EYS: variants seen among roughly 807,000 people sequenced by gnomAD.
EYS encodes the protein EGF-like photoreceptor maintenance factor.
A neutral mutation model predicts 282.1 loss-of-function variants in EYS; 250 were observed. The ratio of observed to expected loss-of-function variants is 0.89; its 90% CI spans 0.80 to 0.98. The LOEUF is 0.98. Among genes scored for constraint, EYS ranks in the 50% least tolerant of loss-of-function variants. The pLI is 0.00. For missense variants in EYS, 4,016 were observed against 3,709.0 expected (o/e 1.08, Z -2.15); for synonymous variants, 1,355 against 1,282.9 (o/e 1.06, Z -1.20).
intron 22 of EYS, among the ~76,000 whole-genome samples, chr6:64,641,631 A>C (rs1486595574): frequency 6.6e-6 from 1 of 152,100 alleles, no homozygotes; most frequent in African/African-American, 2.4e-5. Context: ...TTTCCCTTTC[A>C]TACTTAAAAA....
intron 29 of EYS, among the ~76,000 whole-genome samples, chr6:64,366,608 A>T (rs1409191617): frequency 1.3e-5 from 2 of 152,064 alleles, no homozygotes; most frequent in Admixed American, 1.3e-4. Flanking sequence ...TATTTTGGGG[A>T]CCAGGTATTG....
At chr6:63,872,314 G>A (rs997484036) in intron 35 of EYS, among the ~76,000 whole-genome samples, 2 of 151,026 alleles carry the variant, frequency 1.3e-5, no homozygotes, top group Admixed American at 6.6e-5. Flanking sequence ...ACCAGGTGGT[G>A]TGTGTGTGTG....
At chr6:65,090,007 A>AC (rs3035986) in intron 12 of EYS, among the ~76,000 whole-genome samples, 8 of 149,824 alleles carry the variant, frequency 5.3e-5, no homozygotes, top group African/African-American at 1.7e-4. Flanking sequence ...ACACACACAC[A>AC]AACACACACA....
intron 31 of EYS, among the ~76,000 whole-genome samples, chr6:64,170,251 A>T (rs1764438975): frequency 6.6e-6 from 1 of 152,248 alleles, no homozygotes; most frequent in Admixed American, 6.5e-5. Flanking sequence ...ATCTTGATTA[A>T]GGAAGCTTTG....
In EYS at chr6:64,590,719, T is replaced by C; in HGVS notation, c.5148A>G (p.Val1716=). 6.4e-7 allele frequency: 1 copy of C among 1,551,134 alleles called. No homozygotes were observed. The highest frequency in any genetic ancestry group is 8.7e-7 in the Non-Finnish European group (1 of 1,146,552). ...TGTCCAATAAGCTCTCTTGATTTAG[T>C]ACCTCAGTGGGTCCCATAGTTATGC... ...QYGITMGPTE[V]LNQESLLDME... The change falls in exon 26 of 43, where the codon GTA becomes GTG. Residue 1716 remains valine (V), a synonymous_variant. Coordinates refer to ENST00000503581, the MANE Select transcript of EYS (RefSeq NM_001142800.2).
At chr6:65,062,371 C>T (rs1397708912) in intron 12 of EYS, among the ~76,000 whole-genome samples, 3 of 151,874 alleles carry the variant, frequency 2.0e-5, no homozygotes, top group Non-Finnish European at 4.4e-5. Context: ...TGTACCAAAC[C>T]TGTCTATTTA....
At chr6:64,767,344 C>G (rs1773383956) in intron 22 of EYS, among the ~76,000 whole-genome samples, 1 of 152,114 alleles carries the variant, frequency 6.6e-6, no homozygotes, top group South Asian at 2.1e-4. Flanking sequence ...AGTCACCCTG[C>G]AGTGCTACAG....
chr6:63,785,460 C>A (rs546960721), intron 39 of EYS, among the ~76,000 whole-genome samples: 1 of 152,240 alleles, frequency 6.6e-6, no homozygotes, highest in African/African-American at 2.4e-5. Context: ...AGCTTTGTAG[C>A]AGATGCAACT....
intron 29 of EYS, among the ~76,000 whole-genome samples, chr6:64,357,125 T>C (rs1009617761): frequency 4.0e-5 from 6 of 151,648 alleles, no homozygotes; most frequent in Admixed American, 2.0e-4. Context: ...ATTAAGTAAC[T>C]TGAATCAAAA....
chr6:64,459,937 G>T (rs1400831568), intron 26 of EYS, among the ~76,000 whole-genome samples: 1 of 141,800 alleles, frequency 7.1e-6, no homozygotes, highest in Non-Finnish European at 1.5e-5. Flanking sequence ...TCCTGACCAA[G>T]TAATATCCAG....
At chr6:64,355,559 G>C (rs761090854) in intron 29 of EYS, among the ~76,000 whole-genome samples, 32 of 151,680 alleles carry the variant, frequency 2.1e-4, no homozygotes, top group Admixed American at 5.9e-4. Context: ...CTGAAGCCCA[G>C]ATTATTTGCT....
intron 22 of EYS, among the ~76,000 whole-genome samples, chr6:64,715,871 T>C (rs1019111395): frequency 6.6e-6 from 1 of 152,186 alleles, no homozygotes; most frequent in Non-Finnish European, 1.5e-5. Context: ...AGTAAGCAAG[T>C]TTTGTCACCC....
intron 34 of EYS, among the ~76,000 whole-genome samples, chr6:63,993,573 T>C (rs1424444995): frequency 6.6e-6 from 1 of 151,332 alleles, no homozygotes; most frequent in Non-Finnish European, 1.5e-5. Context: ...CTATAATACA[T>C]GAAAAAGGAT....
In EYS at chr6:64,507,271, C is replaced by T. The variant is rs544564760; in HGVS notation, c.5645-67919G>A. Among the ~76,000 whole-genome samples the T allele has an allele frequency of 2.0e-5, 3 of 152,026 alleles. No individual in the cohort carries two copies. In the East Asian group the frequency reaches 5.8e-4, roughly 29 times the overall value. On this transcript the variant is annotated intron_variant, in intron 26 of 42. Transcript: ENST00000503581. ...GTAGGGACATGGATGAAGCTGGAAA[C>T]CAACATTCTCAGCAAACTATTGCAA...
At chr6:64,161,671 T>C (rs1366557049) in intron 31 of EYS, among the ~76,000 whole-genome samples, 1 of 152,158 alleles carries the variant, frequency 6.6e-6, no homozygotes, top group Non-Finnish European at 1.5e-5. Context: ...TCTTGTTAAA[T>C]AGAAAATGAA....
intron 13 of EYS, among the ~76,000 whole-genome samples, chr6:65,014,900 G>T (rs899458533): frequency 2.0e-5 from 3 of 152,092 alleles, no homozygotes; most frequent in African/African-American, 7.2e-5. Flanking sequence ...TATTTTATCT[G>T]GGTAGGCCCT....
chr6:65,103,431 C>T (rs1774948133), intron 12 of EYS, among the ~76,000 whole-genome samples: 1 of 151,300 alleles, frequency 6.6e-6, no homozygotes, highest in Non-Finnish European at 1.5e-5. Context: ...TTTCTCTGGA[C>T]CTAAGAGTGT....
chr6:63,964,191 A>T (rs1318174152), intron 35 of EYS, among the ~76,000 whole-genome samples: 4 of 152,218 alleles, frequency 2.6e-5, no homozygotes, highest in Non-Finnish European at 5.9e-5. Context: ...GGATGAACTT[A>T]TGTTCACATC....
chr6:64,041,851 G>C (rs1446618768), intron 33 of EYS, among the ~76,000 whole-genome samples: 1 of 152,066 alleles, frequency 6.6e-6, no homozygotes, highest in Non-Finnish European at 1.5e-5. Context: ...AACAAATATG[G>C]GTCTGTATGT....
Sources: gnomAD v4.1 joint callset for allele counts (sites outside exome capture counted in the v4.1 genomes callset) on GRCh38, gnomAD v4.1.1 for gene constraint, MANE v1.5 for transcripts, NCBI Gene and HGNC (gene_info 2026-07-23, HGNC 2026-07-21) for gene names.